ITGA9: variants seen among roughly 807,000 people sequenced by gnomAD.
ITGA9 encodes the protein integrin subunit alpha 9, also known as integrin alpha-9.
In ITGA9, 56 loss-of-function variants were observed where a neutral mutation model predicts 127.8. That is an observed-to-expected ratio of 0.44 (90% CI 0.35 to 0.55). The LOEUF is 0.55. Ranked by LOEUF, ITGA9 falls within the 20% of genes least tolerant of loss-of-function variation. The pLI is 0.00. For missense variants in ITGA9, 1,196 were observed against 1,347.1 expected (o/e 0.89, Z 1.76); for synonymous variants, 508 against 514.5 (o/e 0.99, Z 0.17).
At chr3:37,740,705 T>G (rs1353986687) in intron 20 of ITGA9, among the ~76,000 whole-genome samples, 1 of 152,190 alleles carries the variant, frequency 6.6e-6, no homozygotes, top group Admixed American at 6.5e-5. Context: ...AGTGAGGCCA[T>G]GCTGAGAAAT....
chr3:37,735,010 A>G (rs1320755039), intron 19 of ITGA9, among the ~76,000 whole-genome samples: 2 of 152,196 alleles, frequency 1.3e-5, no homozygotes, highest in Non-Finnish European at 2.9e-5. Context: ...TCCGCAGCCC[A>G]GCGTGCACTC....
chr3:37,504,957 C>T (rs1332815375), intron 6 of ITGA9, among the ~76,000 whole-genome samples: 2 of 152,196 alleles, frequency 1.3e-5, no homozygotes, highest in Non-Finnish European at 2.9e-5. Context: ...TTTCAGCCTG[C>T]TAGCAAGGCT....
rs541289224 is a variant in ITGA9 at position 37,769,668 on chromosome 3, C to T, written c.2542-7724C>T. On this transcript the variant is annotated intron_variant, in intron 23 of 27. Transcript: ENST00000264741. Reference sequence around the variant, plus strand: ...TCAAGTTTGCCCCTCTATGCTTTTGCACATGCTGTTCTCTTCCTGGAATTC... The same window carrying T: ...TCAAGTTTGCCCCTCTATGCTTTTGTACATGCTGTTCTCTTCCTGGAATTC... 1.8e-4 allele frequency among the ~76,000 whole-genome samples: 28 copies of T among 152,310 alleles called. No homozygotes were observed. The South Asian group carries it at 4.6e-3, about 25-fold the overall frequency.
rs557709278 is a variant in ITGA9, at chr3:37,814,655, C to T, written c.3010-4236C>T. ...TGCAAACTATAATAGTAAATAGCACCGCTTCCTAAAGACTCTTTACTTCCA... is the reference window on the plus strand; with the variant it reads ...TGCAAACTATAATAGTAAATAGCACTGCTTCCTAAAGACTCTTTACTTCCA... On this transcript the variant is annotated intron_variant, in intron 27 of 27. Transcript: ENST00000264741. The surrounding 1 kb of genome is among the most constrained non-coding windows in gnomAD (Gnocchi z 4.3). 1.3e-5 allele frequency among the ~76,000 whole-genome samples: 2 copies of T among 152,232 alleles called. No individual in the cohort carries two copies. The highest frequency in any genetic ancestry group is 6.5e-5 in the Admixed American group (1 of 15,290).
intron 14 of ITGA9, among the ~76,000 whole-genome samples, chr3:37,538,658 C>T (rs961298830): frequency 2.0e-5 from 3 of 152,198 alleles, no homozygotes; most frequent in Admixed American, 1.3e-4. Flanking sequence ...CAGACATGTC[C>T]TCTGCTTCCC....
Position 37,629,449 on chromosome 3 carries a change from A to G in ITGA9, c.1839+113A>G. Reference sequence around the variant, plus strand: ...CCTGGCTGCTCAGGAGACCGCAGCCAGGACACACCTCCTCTCTGGGTCTCC... The same window carrying G: ...CCTGGCTGCTCAGGAGACCGCAGCCGGGACACACCTCCTCTCTGGGTCTCC... On this transcript the variant is annotated intron_variant, in intron 16 of 27. Coordinates refer to ENST00000264741, the MANE Select transcript of ITGA9 (RefSeq NM_002207.3). This position sits in a 1 kb window ranked among gnomAD's most constrained non-coding sequence, Gnocchi z 4.5. 2.8e-6 allele frequency: 3 copies of G among 1,082,304 alleles called. No individual in the cohort carries two copies. Among genetic ancestry groups the G allele is most frequent in the Non-Finnish European group, 4.2e-6 (3 of 722,590 alleles). 67.0% of individuals were successfully genotyped at this position (1,082,304 alleles called of 1,614,324 possible).
chr3:37,807,998 G>A (rs1450920682), intron 27 of ITGA9: 1 of 152,204 alleles, frequency 6.6e-6, no homozygotes, highest in Non-Finnish European at 1.5e-5. Flanking sequence ...GCTTAGAGGA[G>A]GCTAGGAGAC....
At chr3:37,588,510 A>G (rs139547503) in intron 15 of ITGA9, among the ~76,000 whole-genome samples, 20 of 152,340 alleles carry the variant, frequency 1.3e-4, no homozygotes, top group African/African-American at 4.3e-4. Context: ...GTAGAGCCCA[A>G]CATGGACCCT....
rs569650390 is a variant in ITGA9 at position 37,650,911 on chromosome 3, C to T, written c.1840-2803C>T. Among the ~76,000 whole-genome samples the T allele has an allele frequency of 2.2e-3, 334 of 152,256 alleles. 1 individual carries two copies. The highest frequency in any genetic ancestry group is 5.9e-3 in the African/African-American group (247 of 41,548). On this transcript the variant is annotated intron_variant, in intron 16 of 27. Coordinates refer to ENST00000264741, the MANE Select transcript of ITGA9 (RefSeq NM_002207.3). ...CTAATCTGGATTTATGGGACAGTGA[C>T]GAGTGCTATTATTTTCATTTTATAA...
intron 15 of ITGA9, among the ~76,000 whole-genome samples, chr3:37,624,872 G>A (rs1700162285): frequency 6.6e-6 from 1 of 152,164 alleles, no homozygotes; most frequent in East Asian, 1.9e-4. Flanking sequence ...CTCTTAAGGT[G>A]CTGGGATTAC....
chr3:37,613,210 G>A (rs59293396), intron 15 of ITGA9, among the ~76,000 whole-genome samples: 5 of 151,394 alleles, frequency 3.3e-5, no homozygotes, highest in Admixed American at 2.0e-4. Flanking sequence ...GAGAACATGC[G>A]GTGTTTGGTT....
chr3:37,724,264 C>T (rs1701223062), intron 18 of ITGA9, among the ~76,000 whole-genome samples: 1 of 152,204 alleles, frequency 6.6e-6, no homozygotes, highest in Non-Finnish European at 1.5e-5. Context: ...TCTCCCATCA[C>T]AGTATTCCAC....
At chr3:37,544,630 G>A (rs994448452) in intron 15 of ITGA9, among the ~76,000 whole-genome samples, 1 of 152,124 alleles carries the variant, frequency 6.6e-6, no homozygotes, top group African/African-American at 2.4e-5. Context: ...TGAGCTCAGG[G>A]CTCTCGAGTG....
chr3:37,665,195 G>A (rs1433334631), intron 17 of ITGA9, among the ~76,000 whole-genome samples: 4 of 151,564 alleles, frequency 2.6e-5, no homozygotes, highest in African/African-American at 7.3e-5. Context: ...GGCTAGTCTC[G>A]AACTCCTGAC....
intron 18 of ITGA9, among the ~76,000 whole-genome samples, chr3:37,707,895 G>T (rs564782317): frequency 1.1e-4 from 17 of 152,266 alleles, no homozygotes; most frequent in Non-Finnish European, 2.1e-4. Context: ...CTCTGCAAAG[G>T]GGGTGGGTGA....
rs188617250 is a variant in ITGA9 at position 37,783,053 on chromosome 3, C to T, written c.2788-1924C>T. Among the ~76,000 whole-genome samples the T allele has an allele frequency of 7.0e-3, 1,061 of 152,034 alleles. 43 individuals carry two copies. Among genetic ancestry groups the T allele is most frequent in the Admixed American group, 0.062 (949 of 15,270 alleles). On this transcript the variant is annotated intron_variant, in intron 25 of 27. Coordinates refer to ENST00000264741, the MANE Select transcript of ITGA9 (RefSeq NM_002207.3). ...ACTCGGGAGGCTGAGGCAGAAGAAT[C>T]GCTTGAACCTGGGAGGTGGAGGTTG...
intron 18 of ITGA9, among the ~76,000 whole-genome samples, chr3:37,722,781 T>A (rs1701203820): frequency 6.6e-6 from 1 of 152,252 alleles, no homozygotes; most frequent in Admixed American, 6.5e-5. Flanking sequence ...TATCAATATT[T>A]GTGTACACAT....
chr3:37,644,648 A>G (rs890695655), intron 16 of ITGA9, among the ~76,000 whole-genome samples: 2 of 152,056 alleles, frequency 1.3e-5, no homozygotes, highest in Non-Finnish European at 2.9e-5. Flanking sequence ...GCCATGGAGT[A>G]AAAAAAACAC....
intron 4 of ITGA9, among the ~76,000 whole-genome samples, chr3:37,490,968 C>CCG (rs1553642003): frequency 1.5e-5 from 2 of 133,660 alleles, no homozygotes; most frequent in African/African-American, 2.8e-5. Context: ...ATTTGGCTTC[C>CCG]CCCCCGCTTT....
Sources: gnomAD v4.1 joint callset for allele counts (sites outside exome capture counted in the v4.1 genomes callset) on GRCh38, gnomAD v4.1.1 for gene constraint, Gnocchi (gnomAD v3.1) non-coding constraint, MANE v1.5 for transcripts, NCBI Gene and HGNC (gene_info 2026-07-23, HGNC 2026-07-21) for gene names.